The following CASD1 variants were observed in gnomAD, a reference collection of about 807,000 sequenced individuals.
CASD1 encodes the protein N-acetylneuraminate (7)9-O-acetyltransferase.
A neutral mutation model predicts 100.0 loss-of-function variants in CASD1; 41 were observed. The observed-to-expected ratio is 0.41, with a 90% CI of 0.32 to 0.53. CASD1 has a LOEUF of 0.53. Ranked by LOEUF, CASD1 falls within the 20% of genes least tolerant of loss-of-function variation. The pLI is 0.25. For synonymous variants in CASD1, 321 were observed against 315.6 expected (o/e 1.02, Z -0.18); for missense variants, 774 against 948.7 (o/e 0.82, Z 2.42).
chr7:94,551,902 A>G lies in CASD1; in HGVS notation c.1956+424A>G, dbSNP rs575463639. 92 of 158,154 alleles carry G rather than the reference A, an allele frequency of 5.8e-4. 1 individual carries two copies. The South Asian group carries it at 0.012, about 21-fold the overall frequency. 9.8% of individuals were successfully genotyped at this position (158,154 alleles called of 1,614,324 possible). On this transcript the variant is annotated intron_variant, in intron 15 of 17. Transcript: ENST00000297273. The stretch of plus-strand genomic sequence containing the variant: ...TTTTGATACAAGCATACAATGCATA[A>G]TGATCAAATCAAGGTAATGTTAAAT...
the CASD1 span, among the ~76,000 whole-genome samples, chr7:94,565,884 C>A: frequency 6.6e-6 from 1 of 152,066 alleles, no homozygotes. Flanking sequence ...GGAAAGGTAC[C>A]AGGGGTAGTC....
chr7:94,610,036 A>G, the CASD1 span, among the ~76,000 whole-genome samples: 1 of 152,228 alleles, frequency 6.6e-6, no homozygotes, highest in Non-Finnish European at 1.5e-5. Flanking sequence ...AAAATGGAAT[A>G]AGCTATCGAG....
chr7:94,587,260 T>C, the CASD1 span: 1 of 985,886 alleles, frequency 1.0e-6, no homozygotes. Flanking sequence ...TCTATGTGAC[T>C]ACTAAACAAA....
chr7:94,541,366 T>C (rs1306807176), intron 10 of CASD1, among the ~76,000 whole-genome samples: 1 of 151,826 alleles, frequency 6.6e-6, no homozygotes, highest in Non-Finnish European at 1.5e-5. Flanking sequence ...GATAACTGTA[T>C]CAAAAATTCT....
intron 2 of CASD1, 79 bp downstream of exon 2, chr7:94,517,735 C>T: frequency 1.2e-6 from 1 of 806,942 alleles, no homozygotes; most frequent in Non-Finnish European, 2.1e-6. Context: ...TGAAACAGTA[C>T]TTTTCATCTC....
chr7:94,594,181 G>A, the CASD1 span, among the ~76,000 whole-genome samples: 1 of 152,102 alleles, frequency 6.6e-6, no homozygotes, highest in Non-Finnish European at 1.5e-5. Context: ...GATTTTTGAT[G>A]TGAAGTCTTT....
chr7:94,590,100 A>G, the CASD1 span: 3 of 152,198 alleles, frequency 2.0e-5, no homozygotes, highest in Non-Finnish European at 2.9e-5. Context: ...TCACTCCTAC[A>G]TGGAGTGCCC....
chr7:94,535,429 A>G lies in CASD1; in HGVS notation c.749A>G (p.Asn250Ser). ...AGTAGCACCAGAAATTCTAAATCAA[A>G]TGTTAAGATGTTCAGTGTTTCCAAA... ...LNSSTRNSKS[N>S]VKMFSVSKLI... Residue 250 changes from asparagine (N) to serine (S), a missense_variant, in exon 8 of 18, where the codon AAT (asparagine) becomes AGT (serine). Physicochemically the swap from Asn to Ser is conservative, Grantham distance 46. Coordinates refer to ENST00000297273, the MANE Select transcript of CASD1 (RefSeq NM_022900.5). 1 of 1,613,582 alleles carries G rather than the reference A, an allele frequency of 6.2e-7. No individual in the cohort carries two copies. The highest frequency in any genetic ancestry group is 8.5e-7 in the Non-Finnish European group (1 of 1,179,658).
chr7:94,518,625 C>T (rs1340561718), intron 3 of CASD1, among the ~76,000 whole-genome samples: 9 of 151,998 alleles, frequency 5.9e-5, no homozygotes, highest in South Asian at 4.2e-4. Flanking sequence ...GAGAAAATAT[C>T]ACCCCTTATT....
chr7:94,532,399 G>A (rs1201329306), intron 5 of CASD1, among the ~76,000 whole-genome samples: 1 of 152,066 alleles, frequency 6.6e-6, no homozygotes, highest in Admixed American at 6.6e-5. Flanking sequence ...TGCTGTGACA[G>A]TTGGTCTGAT....
At chr7:94,543,440 G>T (rs1013290987) in intron 10 of CASD1, among the ~76,000 whole-genome samples, 1 of 152,156 alleles carries the variant, frequency 6.6e-6, no homozygotes, top group South Asian at 2.1e-4. Flanking sequence ...GATCACCCGA[G>T]GTCAGGAGTT....
At chr7:94,529,629 A>G (rs768830326) in intron 5 of CASD1, among the ~76,000 whole-genome samples, 1 of 152,078 alleles carries the variant, frequency 6.6e-6, no homozygotes, top group Non-Finnish European at 1.5e-5. Context: ...TTAATGTACT[A>G]TTGCCAGCTT....
rs117086490 is a variant in CASD1 at position 94,540,102 on chromosome 7, G to A, written c.1356+1046G>A. ...GTGGCAGGGCTAGAAAAAAATGTGT[G>A]TTCTGAGTTGTAACAACCCAGCTAC... On this transcript the variant is annotated intron_variant, in intron 10 of 17. Transcript: ENST00000297273. 8.3e-3 allele frequency among the ~76,000 whole-genome samples: 1,266 copies of A among 152,232 alleles called. 8 individuals carry two copies. The highest frequency in any genetic ancestry group is 0.027 in the Middle Eastern group (8 of 294).
chr7:94,606,278 G>C, the CASD1 span, among the ~76,000 whole-genome samples: 1 of 152,162 alleles, frequency 6.6e-6, no homozygotes, highest in Non-Finnish European at 1.5e-5. Context: ...AAGTAAATGG[G>C]TGGAGAAAGA....
chr7:94,628,355 C>A, the CASD1 span: 1 of 1,607,648 alleles, frequency 6.2e-7, no homozygotes, highest in East Asian at 2.2e-5. Flanking sequence ...CATTACTAAT[C>A]TCGCCTAGAT....
At chr7:94,533,107 G>A in intron 5 of CASD1, 98 bp from the exon 6 acceptor site, 1 of 712,364 alleles carries the variant, frequency 1.4e-6, no homozygotes. Flanking sequence ...AATTTAGAAG[G>A]AAGAACTTAC....
the CASD1 span, chr7:94,587,858 A>T: frequency 6.5e-7 from 1 of 1,527,694 alleles, no homozygotes; most frequent in African/African-American, 1.4e-5. Flanking sequence ...TTCTGAATGA[A>T]AACATCCAAC....
chr7:94,627,342 T>C, the CASD1 span: 1 of 152,054 alleles, frequency 6.6e-6, no homozygotes, highest in Non-Finnish European at 1.5e-5. Context: ...TGTTTTGTTG[T>C]TGTTAATTTC....
chr7:94,597,864 G>A, the CASD1 span: 1 of 152,356 alleles, frequency 6.6e-6, no homozygotes, highest in African/African-American at 2.4e-5. Flanking sequence ...AAAATTAGCT[G>A]GGCATGGGGG....
Sources: gnomAD v4.1 joint callset for allele counts (sites outside exome capture counted in the v4.1 genomes callset) on GRCh38, gnomAD v4.1.1 for gene constraint, MANE v1.5 for transcripts, NCBI Gene and HGNC (gene_info 2026-07-23, HGNC 2026-07-21) for gene names.